The following FZD3 variants were observed in gnomAD, a reference collection of about 807,000 sequenced individuals.
The protein encoded by FZD3 is frizzled class receptor 3, also known as frizzled-3.
Under a neutral mutation model 60.7 loss-of-function variants are expected in FZD3, and 30 were observed. That is an observed-to-expected ratio of 0.49 (90% CI 0.37 to 0.67). FZD3 has a LOEUF of 0.67. Ranked by LOEUF, FZD3 falls within the 30% of genes least tolerant of loss-of-function variation. FZD3 has a pLI of 0.00. For synonymous variants in FZD3, 246 were observed against 275.2 expected, an observed-to-expected ratio of 0.89 and a Z score of 1.05; for missense variants, 605 against 838.7, an observed-to-expected ratio of 0.72 and a Z score of 3.44.
At chr8:28,510,384 C>G (rs1325606406) in intron 3 of FZD3, among the ~76,000 whole-genome samples, 1 of 152,186 alleles carries the variant, frequency 6.6e-6, no homozygotes, top group Non-Finnish European at 1.5e-5. Context: ...TGCCAGACCT[C>G]TCTATAGGGG....
chr8:28,561,808 A>G (rs1209299351), intron 7 of FZD3, among the ~76,000 whole-genome samples: 2 of 152,224 alleles, frequency 1.3e-5, no homozygotes, highest in Non-Finnish European at 2.9e-5. Context: ...AAGATAAAAT[A>G]TGGTCCTTAC....
chr8:28,571,356 T>G lies in FZD3; in HGVS notation c.*8345T>G, dbSNP rs1158003766. ...CATTTAATGTGAAATAATTCTGTAT[T>G]TCTGAGACAAGATCAACACAGTAGT... On this transcript the variant is annotated 3_prime_UTR_variant, in exon 8 of 8. Transcript: ENST00000240093. The G allele has an allele frequency of 6.6e-6, 1 of 152,072 alleles. No individual in the cohort carries two copies. Among genetic ancestry groups the G allele is most frequent in the Non-Finnish European group, 1.5e-5 (1 of 67,992 alleles). 9.4% of individuals were successfully genotyped at this position (152,072 alleles called of 1,614,324 possible).
intron 6 of FZD3, among the ~76,000 whole-genome samples, chr8:28,553,484 C>T (rs1290582495): frequency 6.6e-6 from 1 of 152,214 alleles, no homozygotes; most frequent in Non-Finnish European, 1.5e-5. Context: ...TTCCTGGATA[C>T]CTCTGGGCCA....
At chr8:28,505,237 A>G (rs1804105325) in intron 3 of FZD3, 1 of 154,618 alleles carries the variant, frequency 6.5e-6, no homozygotes, top group African/African-American at 2.4e-5. Context: ...GAGCAAACCC[A>G]GCACACTCTT....
At chr8:28,512,932 A>C (rs1804327322) in intron 3 of FZD3, among the ~76,000 whole-genome samples, 1 of 152,160 alleles carries the variant, frequency 6.6e-6, no homozygotes, top group Non-Finnish European at 1.5e-5. Context: ...TTCTTTTACT[A>C]CATTTATAGA....
chr8:28,561,848 C>T (rs958958453), intron 7 of FZD3, among the ~76,000 whole-genome samples: 13 of 152,094 alleles, frequency 8.5e-5, no homozygotes, highest in African/African-American at 2.9e-4. Context: ...AAGCCAGAAT[C>T]GTTGATAAGT....
At chr8:28,515,374 G>C (rs764493658) in intron 3 of FZD3, among the ~76,000 whole-genome samples, 3 of 152,182 alleles carry the variant, frequency 2.0e-5, no homozygotes, top group Non-Finnish European at 4.4e-5. Flanking sequence ...AAAAGCTTTA[G>C]GGCAGGAACG....
chr8:28,499,885 A>T (rs1205190100), intron 1 of FZD3, 48 bp from the exon 2 acceptor site: 1 of 152,188 alleles, frequency 6.6e-6, no homozygotes, highest in Admixed American at 6.5e-5. Flanking sequence ...TTTACTGTAT[A>T]TAATTACATA....
At position 28,527,711 on chromosome 8, in the gene FZD3, A is replaced by T; in HGVS notation, c.951A>T (p.Pro317=). ...TCACATGGTTTTTAGCAGCTGTGCC[A>T]AAGTGGGGTAGTGAAGCTATTGAGA... ...LTITWFLAAV[P]KWGSEAIEKK... is the part of the protein sequence containing the mutation. The change falls in exon 5 of 8, where the codon CCA becomes CCT. Residue 317 remains proline, a synonymous_variant. Coordinates refer to ENST00000240093, the MANE Select transcript of FZD3 (RefSeq NM_017412.4). This position sits in a 1 kb window ranked among gnomAD's most constrained non-coding sequence, Gnocchi z 5.0. The T allele has an allele frequency of 6.2e-7, 1 of 1,614,140 alleles. No individual in the cohort carries two copies. Among genetic ancestry groups the T allele is most frequent in the Non-Finnish European group, 8.5e-7 (1 of 1,180,004 alleles).
chr8:28,542,144 C>T (rs1242380511), intron 5 of FZD3, among the ~76,000 whole-genome samples: 1 of 147,782 alleles, frequency 6.8e-6, no homozygotes, highest in African/African-American at 2.5e-5. Context: ...ATGACTGGAC[C>T]CCTACCTCCT....
chr8:28,548,064 G>C (rs929743137), intron 5 of FZD3, among the ~76,000 whole-genome samples: 1 of 151,918 alleles, frequency 6.6e-6, no homozygotes. Flanking sequence ...TATTGGTCAG[G>C]CTGGTCTCGA....
At position 28,543,357 on chromosome 8, in the gene FZD3, T is replaced by A. The variant is rs567248763; in HGVS notation, c.1405-8246T>A. Among the ~76,000 whole-genome samples the A allele has an allele frequency of 2.0e-5, 3 of 152,068 alleles. No individual in the cohort carries two copies. In the East Asian group the frequency reaches 5.8e-4, roughly 29 times the overall value. On this transcript the variant is annotated intron_variant, in intron 5 of 7. Coordinates refer to ENST00000240093, the MANE Select transcript of FZD3 (RefSeq NM_017412.4). ...AGTCTGCTTCCCAGCTCTCATTCTTTGCCTTGCCACACTCCACTGTTTTTG... is the reference window on the plus strand; with the variant it reads ...AGTCTGCTTCCCAGCTCTCATTCTTAGCCTTGCCACACTCCACTGTTTTTG...
chr8:28,501,163 G>A (rs539235791), intron 2 of FZD3, among the ~76,000 whole-genome samples: 45 of 152,204 alleles, frequency 3.0e-4, no homozygotes, highest in South Asian at 2.7e-3. Flanking sequence ...AACATGAGGC[G>A]CTTTAGGGCT....
rs1482359885 is a variant in FZD3, at chr8:28,571,856, A to G, written c.*8845A>G. On this transcript the variant is annotated 3_prime_UTR_variant, in exon 8 of 8. Transcript: ENST00000240093. Reference sequence around the variant, plus strand: ...TTAAATTATCTTATCTTGTTATTTAATAGAACAATGGAAGCTGTTTCGTCA... The same window carrying G: ...TTAAATTATCTTATCTTGTTATTTAGTAGAACAATGGAAGCTGTTTCGTCA... 1 of 152,208 alleles carries G rather than the reference A, an allele frequency of 6.6e-6. No homozygotes were observed. Among genetic ancestry groups the G allele is most frequent in the Non-Finnish European group, 1.5e-5 (1 of 68,028 alleles). 9.4% of individuals were successfully genotyped at this position (152,208 alleles called of 1,614,324 possible). A position where few individuals can be genotyped will look rare whatever the true frequency, so the allele number is the denominator to read the frequency against.
At chr8:28,531,814 T>C (rs967868256) in intron 5 of FZD3, among the ~76,000 whole-genome samples, 1 of 152,190 alleles carries the variant, frequency 6.6e-6, no homozygotes. Context: ...TATTATTGGT[T>C]TTCTTTGTCA....
chr8:28,558,881 G>T (rs1049176010), intron 7 of FZD3, among the ~76,000 whole-genome samples: 7 of 152,078 alleles, frequency 4.6e-5, no homozygotes, highest in African/African-American at 1.4e-4. Context: ...AAGATAAGAT[G>T]TATATGGAAG....
At chr8:28,554,029 T>G (rs1042784893) in intron 6 of FZD3, among the ~76,000 whole-genome samples, 9 of 152,238 alleles carry the variant, frequency 5.9e-5, no homozygotes, top group Non-Finnish European at 5.9e-5. Flanking sequence ...AGAGCTTTGC[T>G]CTTAACTACT....
intron 1 of FZD3, among the ~76,000 whole-genome samples, chr8:28,498,691 C>G (rs1803910783): frequency 6.6e-6 from 1 of 152,148 alleles, no homozygotes; most frequent in Non-Finnish European, 1.5e-5. Flanking sequence ...AATTCTCAAG[C>G]CCCTCCTGAA....
chr8:28,551,207 A>G (rs558591185), intron 5 of FZD3, among the ~76,000 whole-genome samples: 1 of 152,298 alleles, frequency 6.6e-6, no homozygotes, highest in Non-Finnish European at 1.5e-5. Flanking sequence ...GAAAACATCA[A>G]ATTTGTAGAA....
Sources: gnomAD v4.1 joint callset for allele counts (sites outside exome capture counted in the v4.1 genomes callset) on GRCh38, gnomAD v4.1.1 for gene constraint, Gnocchi (gnomAD v3.1) non-coding constraint, MANE v1.5 for transcripts, NCBI Gene and HGNC (gene_info 2026-07-23, HGNC 2026-07-21) for gene names.